DNAL4: variants seen among roughly 807,000 people sequenced by gnomAD.
The protein encoded by DNAL4 is dynein light chain, outer arm 4.
A neutral mutation model predicts 12.6 loss-of-function variants in DNAL4; 10 were observed. The observed-to-expected ratio is 0.79, with a 90% CI of 0.49 to 1.34. The LOEUF is 1.34. Among genes scored for constraint, DNAL4 ranks in the 40% most tolerant of loss-of-function variants. DNAL4 has a pLI of 0.00. For missense variants in DNAL4, 128 were observed against 138.1 expected (o/e 0.93, Z 0.37); for synonymous variants, 46 against 53.1 (o/e 0.87, Z 0.58).
At chr22:38,780,645 A>G in intron 3 of DNAL4, 1 of 440,300 alleles carries the variant, frequency 2.3e-6, no homozygotes, top group Non-Finnish European at 4.1e-6. Flanking sequence ...CCACGGGGAA[A>G]GGCACCCTAT....
Position 38,779,419 on chromosome 22 carries a change from C to A in DNAL4, c.*30G>T. ...CCCCAGATGAGTGGCAGGAAAAGGC[C>A]CTGCAGGGGACGGGGCAGGGGACAG... On this transcript the variant is annotated 3_prime_UTR_variant, in exon 4 of 4. Transcript: ENST00000216068. The surrounding 1 kb of genome is among the most constrained non-coding windows in gnomAD (Gnocchi z 4.3). 1 of 1,548,934 alleles carries A rather than the reference C, an allele frequency of 6.5e-7. No homozygotes were observed. The highest frequency in any genetic ancestry group is 2.4e-5 in the East Asian group (1 of 41,418).
At chr22:38,792,626 T>G (rs1603240837) in intron 1 of DNAL4, among the ~76,000 whole-genome samples, 1 of 152,238 alleles carries the variant, frequency 6.6e-6, no homozygotes, top group Non-Finnish European at 1.5e-5. Flanking sequence ...TTGTTAAAAC[T>G]CAGACACAGA....
chr22:38,793,814 A>G (rs1051207046), intron 1 of DNAL4, among the ~76,000 whole-genome samples: 1 of 142,506 alleles, frequency 7.0e-6, no homozygotes, highest in African/African-American at 2.6e-5. Flanking sequence ...GAAGCTGGGC[A>G]GGCCTTGGGT....
Position 38,780,929 on chromosome 22 carries a change from G to A in DNAL4, c.150C>T (p.Asn50=), listed in dbSNP as rs1246446833. Residue 50 remains asparagine, a synonymous_variant, in exon 3 of 4, where the codon AAC becomes AAT. Coordinates refer to ENST00000216068, the MANE Select transcript of DNAL4 (RefSeq NM_005740.3). ...CCGCCTGCACTGCTGGCAATACCTC[G>A]TTGTTGTTGGAGAATTTCTCACAGG... The part of the protein sequence containing the change: ...VTACEKFSNN[N]ESAAKMIKET... The A allele has an allele frequency of 5.6e-6, 9 of 1,614,218 alleles. No homozygotes were observed. The highest frequency in any genetic ancestry group is 4.5e-5 in the East Asian group (2 of 44,888).
chr22:38,780,977 C>G lies in DNAL4; in HGVS notation c.102G>C (p.Glu34Asp). 1.2e-6 allele frequency: 2 copies of G among 1,614,210 alleles called. No homozygotes were observed. Among genetic ancestry groups the G allele is most frequent in the South Asian group, 2.2e-5 (2 of 91,078 alleles). ...HSDMPEEMRV[E>D]TMELCVTACE... The stretch of plus-strand genomic sequence containing the variant: ...AGGCTGTGACACATAGCTCCATGGT[C>G]TCCACGCGCATCTCCTCTGGCATGT... Residue 34 changes from glutamate to aspartate, a missense_variant, in exon 3 of 4, where the codon GAG (glutamate) becomes GAC (aspartate). Coordinates refer to ENST00000216068, the MANE Select transcript of DNAL4 (RefSeq NM_005740.3).
chr22:38,789,822 G>A (rs1344673316), intron 1 of DNAL4, among the ~76,000 whole-genome samples: 1 of 152,208 alleles, frequency 6.6e-6, no homozygotes, highest in Admixed American at 6.5e-5. Context: ...AGGAAGAATT[G>A]CAACAGGTGG....
At chr22:38,793,392 C>T (rs749113375) in intron 1 of DNAL4, among the ~76,000 whole-genome samples, 4 of 152,132 alleles carry the variant, frequency 2.6e-5, no homozygotes, top group Non-Finnish European at 4.4e-5. Flanking sequence ...GGAGATGCAC[C>T]GACGTATACT....
intron 1 of DNAL4, among the ~76,000 whole-genome samples, chr22:38,791,556 T>A (rs1164926525): frequency 6.6e-6 from 1 of 151,904 alleles, no homozygotes; most frequent in African/African-American, 2.4e-5. Flanking sequence ...TTTAGTATTT[T>A]GTATTTTGTA....
At chr22:38,785,096 T>C (rs1296644200) in intron 1 of DNAL4, among the ~76,000 whole-genome samples, 2 of 152,134 alleles carry the variant, frequency 1.3e-5, no homozygotes, top group Non-Finnish European at 2.9e-5. Flanking sequence ...TGTTTGTCTC[T>C]CTCTACAAGC....
At chr22:38,788,110 C>A (rs116505706) in intron 1 of DNAL4, among the ~76,000 whole-genome samples, 5 of 152,296 alleles carry the variant, frequency 3.3e-5, no homozygotes, top group Admixed American at 6.5e-5. Context: ...GCGGGCACTC[C>A]AGTCTTCCTT....
At chr22:38,784,170 C>A (rs2093038635) in intron 1 of DNAL4, among the ~76,000 whole-genome samples, 1 of 152,198 alleles carries the variant, frequency 6.6e-6, no homozygotes, top group South Asian at 2.1e-4. Context: ...CAGGTGATGA[C>A]ACGTGACGGC....
At position 38,780,794 on chromosome 22, in the gene DNAL4, A is replaced by C. The variant is rs959393562; in HGVS notation, c.153+132T>G. On this transcript the variant is annotated intron_variant, in intron 3 of 3. Coordinates refer to ENST00000216068, the MANE Select transcript of DNAL4 (RefSeq NM_005740.3). Reference sequence around the variant, plus strand: ...TCACTCACTGACTTTCCCCAGACTGAATGCTTCCAAGGAAGGCTCTGGCCT... The same window carrying C: ...TCACTCACTGACTTTCCCCAGACTGCATGCTTCCAAGGAAGGCTCTGGCCT... 3.5e-6 allele frequency: 3 copies of C among 864,712 alleles called. No individual in the cohort carries two copies. In the Admixed American group the frequency reaches 7.9e-5, roughly 23 times the overall value. 53.6% of individuals were successfully genotyped at this position (864,712 alleles called of 1,614,324 possible).
rs773316835 is a variant in DNAL4, at chr22:38,779,402, G to A, written c.*47C>T. ...CCTAGGGCTGCTCCCCACCCCAGATGAGTGGCAGGAAAAGGCCCTGCAGGG... is the reference window on the plus strand; with the variant it reads ...CCTAGGGCTGCTCCCCACCCCAGATAAGTGGCAGGAAAAGGCCCTGCAGGG... On this transcript the variant is annotated 3_prime_UTR_variant, in exon 4 of 4. Transcript: ENST00000216068. This position sits in a 1 kb window ranked among gnomAD's most constrained non-coding sequence, Gnocchi z 4.3. The A allele has an allele frequency of 3.2e-5, 49 of 1,536,178 alleles. No individual in the cohort carries two copies. Among genetic ancestry groups the A allele is most frequent in the South Asian group, 2.0e-4 (17 of 82,984 alleles).
chr22:38,792,812 G>A (rs940245350), intron 1 of DNAL4, among the ~76,000 whole-genome samples: 3 of 152,060 alleles, frequency 2.0e-5, no homozygotes, highest in African/African-American at 7.2e-5. Flanking sequence ...GACTGTTTAC[G>A]GTTAAATTTT....
chr22:38,788,904 T>C (rs937675877), intron 1 of DNAL4, among the ~76,000 whole-genome samples: 1 of 152,230 alleles, frequency 6.6e-6, no homozygotes, highest in African/African-American at 2.4e-5. Context: ...CCAGATTCCC[T>C]GGGGCTGAGG....
chr22:38,786,615 T>C (rs563802962), intron 1 of DNAL4, among the ~76,000 whole-genome samples: 139 of 152,268 alleles, frequency 9.1e-4, no homozygotes, highest in Admixed American at 3.0e-3. Flanking sequence ...GCCAGGGTAC[T>C]TGAATCTCCT....
At chr22:38,787,622 C>T (rs1454667057) in intron 1 of DNAL4, among the ~76,000 whole-genome samples, 3 of 152,180 alleles carry the variant, frequency 2.0e-5, no homozygotes, top group Non-Finnish European at 4.4e-5. Context: ...CTGCGATATC[C>T]TTCTTCATAG....
Position 38,779,327 on chromosome 22 carries a change from CA to C in DNAL4, c.*121del. On this transcript the variant is annotated 3_prime_UTR_variant, in exon 4 of 4. Transcript: ENST00000216068. This position sits in a 1 kb window ranked among gnomAD's most constrained non-coding sequence, Gnocchi z 4.3. ...GGGCGTGGCTCAGGAAACTGGTACA[CA>C]AAGACAAAAAGAAAAGACCCCAACT... 7.6e-7 allele frequency: 1 copy of C among 1,320,774 alleles called. No homozygotes were observed. The highest frequency in any genetic ancestry group is 1.6e-5 in the South Asian group (1 of 61,220). 81.8% of individuals were successfully genotyped at this position (1,320,774 alleles called of 1,614,324 possible). A position where few individuals can be genotyped will look rare whatever the true frequency, so the allele number is the denominator to read the frequency against.
rs1249492288 is a variant in DNAL4, at chr22:38,780,965, T to C, written c.114A>G (p.Leu38=). ...AGAATTTCTCACAGGCTGTGACACA[T>C]AGCTCCATGGTCTCCACGCGCATCT... The part of the protein sequence containing the change: ...PEEMRVETME[L]CVTACEKFSN... Residue 38 remains leucine (L), a synonymous_variant, in exon 3 of 4, where the codon CTA becomes CTG. Transcript: ENST00000216068. 1.2e-6 allele frequency: 2 copies of C among 1,614,072 alleles called. No individual in the cohort carries two copies. Among genetic ancestry groups the C allele is most frequent in the African/African-American group, 2.7e-5 (2 of 74,934 alleles).
Sources: gnomAD v4.1 joint callset for allele counts (sites outside exome capture counted in the v4.1 genomes callset) on GRCh38, gnomAD v4.1.1 for gene constraint, Gnocchi (gnomAD v3.1) non-coding constraint, MANE v1.5 for transcripts, NCBI Gene and HGNC (gene_info 2026-07-23, HGNC 2026-07-21) for gene names.